The following RUNX2 variants were observed in gnomAD, a reference collection of about 807,000 sequenced individuals.
The protein encoded by RUNX2 is RUNX family transcription factor 2.
RUNX2 carries 10 observed loss-of-function variants against 51.7 expected under a neutral mutation model. The ratio of observed to expected loss-of-function variants is 0.19; its 90% CI spans 0.12 to 0.33. RUNX2 has a LOEUF of 0.33. Among genes scored for constraint, RUNX2 ranks in the 10% least tolerant of loss-of-function variants. The probability of loss-of-function intolerance (pLI) is 1.00; values close to 1 mark genes in which losing one functional copy is unlikely to be tolerated. For synonymous variants in RUNX2, 276 were observed against 273.6 expected, an observed-to-expected ratio of 1.01 and a Z score of -0.09; for missense variants, 562 against 691.3, an observed-to-expected ratio of 0.81 and a Z score of 2.10.
chr6:45,537,380 C>T (rs1802071603), intron 7 of RUNX2, among the ~76,000 whole-genome samples: 1 of 152,180 alleles, frequency 6.6e-6, no homozygotes. Flanking sequence ...ACAGTGACAG[C>T]AAAGCCCCCA....
intron 2 of RUNX2, among the ~76,000 whole-genome samples, chr6:45,375,260 A>C (rs570027792): frequency 6.6e-6 from 1 of 152,304 alleles, no homozygotes; most frequent in East Asian, 1.9e-4. Flanking sequence ...TCCTAAAACT[A>C]TATATTACAA....
intron 7 of RUNX2, among the ~76,000 whole-genome samples, chr6:45,532,092 A>T (rs1001190780): frequency 1.5e-4 from 22 of 150,180 alleles, no homozygotes; most frequent in Non-Finnish European, 3.0e-4. Context: ...GTTGTTAACA[A>T]TTACATTTTT....
chr6:45,497,647 G>A (rs930985949), intron 6 of RUNX2, among the ~76,000 whole-genome samples: 1 of 152,076 alleles, frequency 6.6e-6, no homozygotes, highest in Non-Finnish European at 1.5e-5. Flanking sequence ...TCAGGCTCCC[G>A]TGCCACCTTG....
chr6:45,359,844 G>C (rs1160771792), intron 2 of RUNX2, among the ~76,000 whole-genome samples: 9 of 152,110 alleles, frequency 5.9e-5, no homozygotes, highest in Non-Finnish European at 1.0e-4. Context: ...AGAAGTTCAA[G>C]ACCAGCCTGG....
chr6:45,428,952 C>T (rs1798461367), intron 3 of RUNX2, among the ~76,000 whole-genome samples: 1 of 150,442 alleles, frequency 6.6e-6, no homozygotes. Flanking sequence ...TGAGGAAGTA[C>T]GTACTCAGTT....
intron 3 of RUNX2, among the ~76,000 whole-genome samples, chr6:45,423,579 C>G (rs1396775507): frequency 1.3e-5 from 2 of 151,848 alleles, no homozygotes; most frequent in South Asian, 2.1e-4. Context: ...CGTGGGGTGC[C>G]GGTGCCGGGC....
intron 2 of RUNX2, among the ~76,000 whole-genome samples, chr6:45,374,082 A>C (rs962948314): frequency 6.6e-6 from 1 of 152,232 alleles, no homozygotes; most frequent in Non-Finnish European, 1.5e-5. Context: ...CAGTCCTATG[A>C]GAAAGCGGGA....
intron 2 of RUNX2, among the ~76,000 whole-genome samples, chr6:45,348,512 C>CA (rs754208599): frequency 0.032 from 3,575 of 110,332 alleles, 300 homozygotes; most frequent in African/African-American, 0.12. Context: ...ACTAAAAATA[C>CA]AAAAAAAAAA....
chr6:45,367,458 T>A (rs993165407), intron 2 of RUNX2, among the ~76,000 whole-genome samples: 3 of 146,244 alleles, frequency 2.1e-5, no homozygotes, highest in Admixed American at 1.4e-4. Context: ...AGACTCGGAT[T>A]AAAAAAAAAA....
chr6:45,371,912 G>A, intron 2 of RUNX2: 3 of 894,030 alleles, frequency 3.4e-6, no homozygotes, highest in Non-Finnish European at 4.0e-6. Flanking sequence ...GTCCAGAGGG[G>A]TTTCTTGAAC....
At chr6:45,436,568 TC>T (rs1282830958) in intron 4 of RUNX2, among the ~76,000 whole-genome samples, 15 of 152,182 alleles carry the variant, frequency 9.9e-5, no homozygotes, top group African/African-American at 3.6e-4. Flanking sequence ...CCTGTTTTTT[TC>T]CCCTTGGCTA....
At chr6:45,443,186 G>A (rs975749300) in intron 5 of RUNX2, among the ~76,000 whole-genome samples, 1 of 151,728 alleles carries the variant, frequency 6.6e-6, no homozygotes, top group Non-Finnish European at 1.5e-5. Flanking sequence ...GAGTAGCTGG[G>A]ACTACAAGTA....
intron 2 of RUNX2, among the ~76,000 whole-genome samples, chr6:45,369,358 A>G (rs1795664015): frequency 6.6e-6 from 1 of 152,154 alleles, no homozygotes; most frequent in Non-Finnish European, 1.5e-5. Context: ...ACCTTCCCAG[A>G]TATGTAAACA....
At chr6:45,397,688 C>T (rs1797613342) in intron 2 of RUNX2, among the ~76,000 whole-genome samples, 1 of 152,044 alleles carries the variant, frequency 6.6e-6, no homozygotes, top group Non-Finnish European at 1.5e-5. Flanking sequence ...CTTTCTTTGG[C>T]AAAATGTCTA....
chr6:45,406,493 C>T (rs1582078584), intron 2 of RUNX2, among the ~76,000 whole-genome samples: 6 of 152,324 alleles, frequency 3.9e-5, no homozygotes, highest in African/African-American at 1.4e-4. Context: ...TGGCTCACTG[C>T]AACCTCTGCC....
chr6:45,454,684 A>G (rs915499111), intron 5 of RUNX2, among the ~76,000 whole-genome samples: 5 of 152,132 alleles, frequency 3.3e-5, no homozygotes, highest in African/African-American at 9.7e-5. Context: ...TTATCTATGT[A>G]TGTGTGTGTG....
At chr6:45,506,612 T>C (rs1201036865) in intron 6 of RUNX2, among the ~76,000 whole-genome samples, 3 of 152,220 alleles carry the variant, frequency 2.0e-5, no homozygotes, top group African/African-American at 7.2e-5. Context: ...GAATGAATTA[T>C]AGTTTTTAAA....
chr6:45,462,490 G>A (rs142587105), intron 5 of RUNX2, among the ~76,000 whole-genome samples: 1 of 152,224 alleles, frequency 6.6e-6, no homozygotes, highest in African/African-American at 2.4e-5. Flanking sequence ...CTCTCAAACT[G>A]GCTGAAAACA....
In RUNX2 at chr6:45,349,837, T is replaced by C. The variant is rs62400329; in HGVS notation, c.58+21053T>C. Among the ~76,000 whole-genome samples, 910 of 152,370 alleles carry C rather than the reference T, an allele frequency of 6.0e-3. 8 individuals carry two copies. Among genetic ancestry groups the C allele is most frequent in the Non-Finnish European group, 7.9e-3 (536 of 68,030 alleles). On this transcript the variant is annotated intron_variant, in intron 2 of 8. Coordinates refer to ENST00000647337, the MANE Select transcript of RUNX2 (RefSeq NM_001024630.4). ...CCATCCACTGCATAATCAGTTCATG[T>C]TGTCAATGTTCTCTTTTATTCAAAA...
Sources: allele counts gnomAD v4.1 joint callset (sites outside exome capture counted in the v4.1 genomes callset), GRCh38; gene constraint gnomAD v4.1.1; transcripts MANE v1.5; gene names NCBI Gene and HGNC (gene_info 2026-07-23, HGNC 2026-07-21).